Variants in MEGF11 observed in about 807,000 individuals in gnomAD.
MEGF11 encodes the protein multiple EGF like domains 11, also known as multiple epidermal growth factor-like domains protein 11.
Under a neutral mutation model 146.6 loss-of-function variants are expected in MEGF11, and 126 were observed. That is an observed-to-expected ratio of 0.86 (90% confidence interval 0.74 to 1.00). The LOEUF is 1.00. Among genes scored for constraint, MEGF11 ranks in the 50% least tolerant of loss-of-function variants. The pLI, the probability that MEGF11 is intolerant of heterozygous loss-of-function variation, is 0.00. For missense variants in MEGF11, 1,509 were observed against 1,521.2 expected (o/e 0.99, Z 0.13); for synonymous variants, 532 against 583.4 (o/e 0.91, Z 1.27).
intron 4 of MEGF11, among the ~76,000 whole-genome samples, chr15:66,104,894 C>T (rs1160879551): frequency 6.6e-6 from 1 of 152,160 alleles, no homozygotes; most frequent in Non-Finnish European, 1.5e-5. Flanking sequence ...GCCTCCTCCT[C>T]CTCCTCTTCC....
intron 4 of MEGF11, among the ~76,000 whole-genome samples, chr15:66,100,894 G>A (rs34341645): frequency 0.18 from 26,243 of 143,962 alleles, 2,833 homozygotes; most frequent in East Asian, 0.38. Flanking sequence ...GTGAGCGAGC[G>A]TGTGGGTGGG....
At chr15:66,213,788 A>G (rs1054735731) in intron 1 of MEGF11, among the ~76,000 whole-genome samples, 1 of 152,024 alleles carries the variant, frequency 6.6e-6, no homozygotes, top group Non-Finnish European at 1.5e-5. Context: ...TAGCTACAAC[A>G]TTAGACAGTG....
At chr15:66,005,972 A>G (rs2082507892) in intron 5 of MEGF11, among the ~76,000 whole-genome samples, 1 of 152,174 alleles carries the variant, frequency 6.6e-6, no homozygotes, top group Non-Finnish European at 1.5e-5. Context: ...AAATCGATCC[A>G]CCGAAATGGC....
intron 5 of MEGF11, among the ~76,000 whole-genome samples, chr15:66,040,911 G>A (rs982601985): frequency 1.2e-5 from 1 of 82,968 alleles, no homozygotes; most frequent in Non-Finnish European, 2.4e-5. Flanking sequence ...CAGAGGAAGG[G>A]ACTTTTTTTT....
chr15:66,026,134 C>T (rs1356667188), intron 5 of MEGF11, among the ~76,000 whole-genome samples: 1 of 152,236 alleles, frequency 6.6e-6, no homozygotes, highest in African/African-American at 2.4e-5. Flanking sequence ...CCCAAAGCTC[C>T]CCAGGTGATT....
intron 1 of MEGF11, among the ~76,000 whole-genome samples, chr15:66,244,729 C>G (rs1458111854): frequency 6.6e-6 from 1 of 152,098 alleles, no homozygotes; most frequent in African/African-American, 2.4e-5. Flanking sequence ...CAGCACAGAG[C>G]AGGAATTCAT....
intron 5 of MEGF11, among the ~76,000 whole-genome samples, chr15:66,041,752 A>G (rs1195883713): frequency 1.3e-5 from 2 of 152,194 alleles, no homozygotes; most frequent in Non-Finnish European, 2.9e-5. Context: ...CAATCCCTGT[A>G]TTAACTCATT....
intron 4 of MEGF11, 26 bp downstream of exon 4, chr15:66,119,060 G>T: frequency 6.7e-7 from 1 of 1,489,606 alleles, no homozygotes. Context: ...CCCACTGAGG[G>T]CAGAACAGCA....
At chr15:66,106,286 T>C (rs2087076396) in intron 4 of MEGF11, among the ~76,000 whole-genome samples, 1 of 152,136 alleles carries the variant, frequency 6.6e-6, no homozygotes, top group Admixed American at 6.5e-5. Flanking sequence ...GTACATAGGT[T>C]ACTGGGGGCT....
At chr15:66,100,029 A>ATGGG in intron 4 of MEGF11, among the ~76,000 whole-genome samples, 1 of 152,182 alleles carries the variant, frequency 6.6e-6, no homozygotes, top group Non-Finnish European at 1.5e-5. Flanking sequence ...AGGAGGCCCC[A>ATGGG]GTCCCACCTT....
At chr15:66,030,270 T>G (rs147236204) in intron 5 of MEGF11, among the ~76,000 whole-genome samples, 12 of 152,308 alleles carry the variant, frequency 7.9e-5, no homozygotes, top group Non-Finnish European at 1.6e-4. Flanking sequence ...TCACACCCAG[T>G]GCATATATAT....
intron 10 of MEGF11, among the ~76,000 whole-genome samples, chr15:65,932,938 G>A (rs547579950): frequency 5.3e-5 from 8 of 152,246 alleles, no homozygotes; most frequent in African/African-American, 1.4e-4. Flanking sequence ...TGTACTGCCC[G>A]TCTCTGAGTC....
intron 9 of MEGF11, among the ~76,000 whole-genome samples, chr15:65,962,254 G>A (rs1377401446): frequency 6.6e-6 from 1 of 152,176 alleles, no homozygotes; most frequent in South Asian, 2.1e-4. Flanking sequence ...GCTGTTTTCT[G>A]GTGTCCATAA....
intron 5 of MEGF11, among the ~76,000 whole-genome samples, chr15:65,995,094 T>G (rs1201962679): frequency 6.6e-6 from 1 of 152,124 alleles, no homozygotes; most frequent in Non-Finnish European, 1.5e-5. Flanking sequence ...TCTGGGATCT[T>G]GAAGGAGGAA....
chr15:66,251,992 G>A (rs1415670202), intron 1 of MEGF11, among the ~76,000 whole-genome samples: 17 of 152,232 alleles, frequency 1.1e-4, no homozygotes, highest in Non-Finnish European at 2.2e-4. Context: ...AGTGACGGCA[G>A]AGGGACCCTC....
chr15:65,919,956 C>T (rs924819370), intron 15 of MEGF11, among the ~76,000 whole-genome samples: 1 of 145,340 alleles, frequency 6.9e-6, no homozygotes, highest in Non-Finnish European at 1.6e-5. Context: ...AAGCAAAATG[C>T]AGTTTCTGTG....
At chr15:65,900,625 TCTC>T (rs1307257939) in intron 24 of MEGF11, among the ~76,000 whole-genome samples, 5 of 152,132 alleles carry the variant, frequency 3.3e-5, no homozygotes, top group East Asian at 3.9e-4. Flanking sequence ...TCTCTCTCCT[TCTC>T]CTCTCATTGC....
At chr15:66,241,543 GT>G (rs1381528640) in intron 1 of MEGF11, among the ~76,000 whole-genome samples, 2 of 152,174 alleles carry the variant, frequency 1.3e-5, no homozygotes, top group African/African-American at 4.8e-5. Flanking sequence ...TGTGCCTCCA[GT>G]GGGAGGCAGA....
At chr15:66,021,445 A>G (rs913313853) in intron 5 of MEGF11, among the ~76,000 whole-genome samples, 2 of 152,244 alleles carry the variant, frequency 1.3e-5, no homozygotes, top group Non-Finnish European at 2.9e-5. Flanking sequence ...TCTCTTTGGG[A>G]ATAGAAGCCA....
Sources: gnomAD v4.1 joint callset for allele counts (sites outside exome capture counted in the v4.1 genomes callset) on GRCh38, gnomAD v4.1.1 for gene constraint, MANE v1.5 for transcripts, NCBI Gene and HGNC (gene_info 2026-07-23, HGNC 2026-07-21) for gene names.